MAN1A1: variants seen among roughly 807,000 people sequenced by gnomAD.
MAN1A1 encodes the protein mannosidase alpha class 1A member 1, also known as mannosyl-oligosaccharide 1,2-alpha-mannosidase IA.
Under a neutral mutation model 70.8 loss-of-function variants are expected in MAN1A1, and 29 were observed. The observed-to-expected ratio is 0.41, with a 90% CI of 0.31 to 0.56. The LOEUF is 0.56. MAN1A1 is among the 20% of genes least tolerant of loss of function. MAN1A1 has a pLI of 0.29. For missense variants in MAN1A1, 747 were observed against 841.3 expected (o/e 0.89, Z 1.39); for synonymous variants, 349 against 330.1 (o/e 1.06, Z -0.62).
chr6:119,206,249 C>T (rs1773856917), intron 6 of MAN1A1, among the ~76,000 whole-genome samples: 1 of 152,168 alleles, frequency 6.6e-6, no homozygotes, highest in Admixed American at 6.5e-5. Flanking sequence ...GTCTTAATGG[C>T]TTGTGGAATT....
At chr6:119,324,908 AG>A (rs963882867) in intron 2 of MAN1A1, among the ~76,000 whole-genome samples, 1 of 152,238 alleles carries the variant, frequency 6.6e-6, no homozygotes, top group Non-Finnish European at 1.5e-5. Context: ...TTGGACGCAG[AG>A]TGGTGTCCCT....
chr6:119,346,276 T>C (rs1487050302), intron 2 of MAN1A1, among the ~76,000 whole-genome samples: 1 of 152,242 alleles, frequency 6.6e-6, no homozygotes, highest in Non-Finnish European at 1.5e-5. Flanking sequence ...TAAAGCCAAA[T>C]ATTTACAGCA....
At chr6:119,264,045 G>C (rs959609454) in intron 5 of MAN1A1, among the ~76,000 whole-genome samples, 15 of 152,114 alleles carry the variant, frequency 9.9e-5, no homozygotes, top group African/African-American at 3.6e-4. Context: ...TTTGTTTTTA[G>C]CTAACTTTTT....
intron 2 of MAN1A1, among the ~76,000 whole-genome samples, chr6:119,321,628 T>A (rs1445281215): frequency 6.6e-6 from 1 of 151,052 alleles, no homozygotes; most frequent in Non-Finnish European, 1.5e-5. Context: ...TTTTTTTTTT[T>A]TTTTTTTGAG....
intron 6 of MAN1A1, among the ~76,000 whole-genome samples, chr6:119,209,147 T>C (rs912259843): frequency 1.3e-5 from 2 of 148,500 alleles, no homozygotes; most frequent in Non-Finnish European, 3.0e-5. Flanking sequence ...ACAATTTGGA[T>C]CATTAACAAA....
intron 10 of MAN1A1, among the ~76,000 whole-genome samples, chr6:119,188,965 G>C (rs560186358): frequency 3.8e-4 from 58 of 152,104 alleles, no homozygotes; most frequent in Non-Finnish European, 5.4e-4. Flanking sequence ...GTGGAACCCA[G>C]GGATACGAAG....
At chr6:119,248,700 T>G (rs1775236134) in intron 5 of MAN1A1, among the ~76,000 whole-genome samples, 2 of 152,154 alleles carry the variant, frequency 1.3e-5, no homozygotes, top group African/African-American at 4.8e-5. Context: ...GCCAGGTGAT[T>G]TCAATGTGCA....
At chr6:119,257,877 C>T (rs117136011) in intron 5 of MAN1A1, among the ~76,000 whole-genome samples, 4,248 of 152,076 alleles carry the variant, frequency 0.028, 94 homozygotes, top group Non-Finnish European at 0.045. Context: ...TTATACAGTG[C>T]CTAAAGCTAC....
At chr6:119,193,979 C>A in intron 8 of MAN1A1, 87 bp from the exon 9 acceptor site, 3 of 716,644 alleles carry the variant, frequency 4.2e-6, no homozygotes, top group South Asian at 1.7e-5. Context: ...TAGGATGCAA[C>A]CCTATGTCAA....
chr6:119,317,221 G>A (rs552264029), intron 2 of MAN1A1, among the ~76,000 whole-genome samples: 1 of 151,922 alleles, frequency 6.6e-6, no homozygotes, highest in East Asian at 1.9e-4. Flanking sequence ...TATTACAACT[G>A]ATGGACCTAC....
At chr6:119,246,045 C>T (rs1775159575) in intron 6 of MAN1A1, among the ~76,000 whole-genome samples, 1 of 152,210 alleles carries the variant, frequency 6.6e-6, no homozygotes, top group African/African-American at 2.4e-5. Flanking sequence ...AAGGAAAAAT[C>T]TACTTGGCAG....
At position 119,199,637 on chromosome 6, in the gene MAN1A1, T is replaced by C. The variant is rs561912171; in HGVS notation, c.1210+1617A>G. Among the ~76,000 whole-genome samples the C allele has an allele frequency of 2.8e-3, 423 of 152,024 alleles. 4 individuals carry two copies. The highest frequency in any genetic ancestry group is 9.4e-3 in the African/African-American group (390 of 41,448). On this transcript the variant is annotated intron_variant, in intron 8 of 12. Transcript: ENST00000368468. ...AAGAATACAATGGGGGCTGGTGTGG[T>C]GGCTCATGCCTGTAATCCCAACACT...
In MAN1A1 at chr6:119,318,081, T is replaced by C. The variant is rs796365375; in HGVS notation, c.604-11089A>G. 3.3e-5 allele frequency among the ~76,000 whole-genome samples: 5 copies of C among 152,224 alleles called. No individual in the cohort carries two copies. The South Asian group carries it at 1.0e-3, about 31-fold the overall frequency. On this transcript the variant is annotated intron_variant, in intron 2 of 12. Coordinates refer to ENST00000368468, the MANE Select transcript of MAN1A1 (RefSeq NM_005907.4). ...AAAATGTATAAAAGGACTTTACTTA[T>C]GAAATGTAATACTACCAGAAATGCT...
Position 119,295,553 on chromosome 6 carries a change from A to C in MAN1A1, c.817-4790T>G, listed in dbSNP as rs984061236. ...TTATCTTATGATTCCATACAGCATG[A>C]CAGATCTGATTGATTGCATTAAATG... On this transcript the variant is annotated intron_variant, in intron 4 of 12. Coordinates refer to ENST00000368468, the MANE Select transcript of MAN1A1 (RefSeq NM_005907.4). Among the ~76,000 whole-genome samples, 33 of 152,320 alleles carry C rather than the reference A, an allele frequency of 2.2e-4. 1 individual carries two copies. Among genetic ancestry groups the C allele is most frequent in the Admixed American group, 6.5e-4 (10 of 15,288 alleles).
rs1172591599 is a variant in MAN1A1, at chr6:119,177,240, A to G, written c.*2579T>C. The stretch of plus-strand genomic sequence containing the variant: ...AAAAGACTTTATTCACAATAGAGAA[A>G]TTTTACAAATATAATTTTTAAAAAT... On this transcript the variant is annotated 3_prime_UTR_variant, in exon 13 of 13. Transcript: ENST00000368468. The G allele has an allele frequency of 6.6e-6, 1 of 152,142 alleles. No homozygotes were observed. Among genetic ancestry groups the G allele is most frequent in the Non-Finnish European group, 1.5e-5 (1 of 67,972 alleles). 9.4% of individuals were successfully genotyped at this position (152,142 alleles called of 1,614,324 possible).
At chr6:119,211,735 G>T (rs778746586) in intron 6 of MAN1A1, among the ~76,000 whole-genome samples, 8 of 151,996 alleles carry the variant, frequency 5.3e-5, no homozygotes, top group Non-Finnish European at 8.8e-5. Flanking sequence ...TCTTATGAAG[G>T]CTTAAATTTT....
intron 5 of MAN1A1, among the ~76,000 whole-genome samples, chr6:119,259,916 G>T (rs895099773): frequency 6.6e-6 from 1 of 151,898 alleles, no homozygotes; most frequent in African/African-American, 2.4e-5. Flanking sequence ...ATAAAATATA[G>T]AATCTTATTA....
rs145544000 is a variant in MAN1A1 at position 119,247,696 on chromosome 6, G to T, written c.992+564C>A. Among the ~76,000 whole-genome samples the T allele has an allele frequency of 1.6e-3, 243 of 152,236 alleles. 2 individuals are homozygous for T. Among genetic ancestry groups the T allele is most frequent in the African/African-American group, 5.2e-3 (218 of 41,552 alleles). The stretch of plus-strand genomic sequence containing the variant: ...ATTCTCAAGAACTTGGCATATCAGG[G>T]TTCTCCACCAAAGAGGATGAGAAGG... On this transcript the variant is annotated intron_variant, in intron 6 of 12. Coordinates refer to ENST00000368468, the MANE Select transcript of MAN1A1 (RefSeq NM_005907.4).
intron 6 of MAN1A1, among the ~76,000 whole-genome samples, chr6:119,224,281 C>T (rs1024446141): frequency 6.6e-6 from 1 of 152,234 alleles, no homozygotes; most frequent in Admixed American, 6.5e-5. Flanking sequence ...CTTTTATAGA[C>T]TGAGTACTCC....
Sources: allele counts gnomAD v4.1 joint callset (sites outside exome capture counted in the v4.1 genomes callset), GRCh38; gene constraint gnomAD v4.1.1; transcripts MANE v1.5; gene names NCBI Gene and HGNC (gene_info 2026-07-23, HGNC 2026-07-21).